ACTN2: variants seen among roughly 807,000 people sequenced by gnomAD.
ACTN2 encodes the protein alpha-actinin-2.
In ACTN2, 39 loss-of-function variants were observed where a neutral mutation model predicts 113.8. The ratio of observed to expected loss-of-function variants is 0.34; its 90% CI spans 0.27 to 0.45. The LOEUF (loss-of-function observed/expected upper bound fraction) is 0.45. Ranked by LOEUF, ACTN2 falls within the 20% of genes least tolerant of loss-of-function variation. The probability of loss-of-function intolerance (pLI) is 1.00; values close to 1 mark genes in which losing one functional copy is unlikely to be tolerated. For missense variants in ACTN2, 992 were observed against 1,177.9 expected (o/e 0.84, Z 2.31); for synonymous variants, 429 against 444.1 (o/e 0.97, Z 0.43).
Position 236,711,498 on chromosome 1 carries a change from G to A in ACTN2, c.127-6360G>A, listed in dbSNP as rs537426127. ...TGAGTAGCTGAGATTACAGGCATGC[G>A]CCACCACGCCAGGCTAAGTTTTTAT... is the stretch of plus-strand genomic sequence containing the variant. On this transcript the variant is annotated intron_variant, in intron 1 of 20. Transcript: ENST00000366578. Among the ~76,000 whole-genome samples the A allele has an allele frequency of 2.6e-5, 4 of 152,224 alleles. No individual in the cohort carries two copies. In the East Asian group the frequency reaches 5.8e-4, roughly 22 times the overall value.
Position 236,739,513 on chromosome 1 carries a change from C to T in ACTN2, c.1088C>T (p.Ser363Phe). 4 of 1,614,104 alleles carry T rather than the reference C, an allele frequency of 2.5e-6. No homozygotes were observed. The highest frequency in any genetic ancestry group is 3.4e-6 in the Non-Finnish European group (4 of 1,179,944). ...AGCAACCGTCCTGCCTTCATGCCCTCCGAGGGCAAGATGGTGTCGGTGAGT... is the reference window on the plus strand; with the variant it reads ...AGCAACCGTCCTGCCTTCATGCCCTTCGAGGGCAAGATGGTGTCGGTGAGT... ...RISNRPAFMP[S>F]EGKMVSDIAG... Residue 363 changes from serine (S) to phenylalanine (F), a missense_variant, in exon 10 of 21, where the codon TCC (serine) becomes TTC (phenylalanine). Around this residue, in one of 3 missense-constraint regions of ACTN2, gnomAD observed 736 missense variants for 815.4 expected, o/e 0.90. Transcript: ENST00000366578.
At chr1:236,706,026 C>G (rs1445114377) in intron 1 of ACTN2, among the ~76,000 whole-genome samples, 1 of 152,156 alleles carries the variant, frequency 6.6e-6, no homozygotes, top group Non-Finnish European at 1.5e-5. Flanking sequence ...TTTAACCTCT[C>G]CACTTAAAGT....
In ACTN2 at chr1:236,726,026, C is replaced by T. The variant is rs771398006; in HGVS notation, c.536+6C>T. Reference sequence around the variant, plus strand: ...ATTCAGAACTTCCATACTAGGTGAGCACCCAGGGCCCCTGGTCCTTGTATT... The same window carrying T: ...ATTCAGAACTTCCATACTAGGTGAGTACCCAGGGCCCCTGGTCCTTGTATT... On this transcript the variant is annotated splice_donor_region_variant and intron_variant, in intron 5 of 20. Transcript: ENST00000366578. 8.1e-6 allele frequency: 13 copies of T among 1,612,230 alleles called. No homozygotes were observed. Among genetic ancestry groups the T allele is most frequent in the Non-Finnish European group, 1.1e-5 (13 of 1,178,366 alleles).
intron 18 of ACTN2, among the ~76,000 whole-genome samples, chr1:236,759,415 A>G (rs955605059): frequency 2.6e-5 from 4 of 152,226 alleles, no homozygotes; most frequent in African/African-American, 9.7e-5. Context: ...CAAATTAAAC[A>G]TGAATGATTC....
intron 1 of ACTN2, among the ~76,000 whole-genome samples, chr1:236,687,950 T>C (rs976988584): frequency 6.6e-6 from 1 of 152,226 alleles, no homozygotes; most frequent in Admixed American, 6.5e-5. Context: ...AGCTCTAATT[T>C]AGCTACATTT....
intron 8 of ACTN2, 103 bp from the exon 9 acceptor site, chr1:236,737,018 AG>A (rs1269198953): frequency 6.6e-6 from 6 of 904,416 alleles, no homozygotes; most frequent in Non-Finnish European, 1.1e-5. Context: ...CACCGTCTAC[AG>A]CACGCCACCC....
chr1:236,687,599 G>A (rs1665922149), intron 1 of ACTN2, among the ~76,000 whole-genome samples: 1 of 152,212 alleles, frequency 6.6e-6, no homozygotes, highest in Non-Finnish European at 1.5e-5. Context: ...TAAGATAACG[G>A]GGTTATGGCA....
chr1:236,742,793 C>A, intron 10 of ACTN2, 103 bp from the exon 11 acceptor site: 2 of 1,422,184 alleles, frequency 1.4e-6, no homozygotes, highest in East Asian at 2.3e-5. Flanking sequence ...AGGAAAACAC[C>A]ATCAAAATGT....
At chr1:236,762,338 A>T (rs1248983682) in intron 20 of ACTN2, 123 bp from the exon 21 acceptor site, 2 of 1,307,996 alleles carry the variant, frequency 1.5e-6, no homozygotes, top group Non-Finnish European at 2.2e-6. Flanking sequence ...CTATGCCAAT[A>T]GACTCCCTAT....
chr1:236,713,207 A>G (rs1658093381), intron 1 of ACTN2, among the ~76,000 whole-genome samples: 1 of 151,028 alleles, frequency 6.6e-6, no homozygotes, highest in Admixed American at 6.6e-5. Flanking sequence ...TCTCTAGGTT[A>G]TATATATTGT....
chr1:236,746,129 G>T (rs947271742), intron 12 of ACTN2, among the ~76,000 whole-genome samples: 13 of 131,696 alleles, frequency 9.9e-5, no homozygotes, highest in African/African-American at 3.8e-4. Context: ...TCAGGCCACT[G>T]CACTCCAGCC....
intron 1 of ACTN2, among the ~76,000 whole-genome samples, chr1:236,687,334 A>G (rs1008308778): frequency 4.1e-4 from 63 of 152,092 alleles, no homozygotes; most frequent in Admixed American, 4.1e-3. Context: ...ATTATTTCAC[A>G]CTCTATTTAT....
In ACTN2 at chr1:236,755,109, A is replaced by G. The variant is rs758071137; in HGVS notation, c.2065A>G (p.Lys689Glu). Residue 689 changes from lysine (K) to glutamate (E), a missense_variant, in exon 17 of 21, where the codon AAG becomes GAG. Lys to Glu is a moderately conservative substitution (Grantham distance 56). Around this residue, in one of 3 missense-constraint regions of ACTN2, gnomAD observed 736 missense variants for 815.4 expected, o/e 0.90. Transcript: ENST00000366578. ...GTATGAGCACAACATCATCAACTAT[A>G]AGAACAACATCGACAAGCTGGAGGG... ...KQYEHNIINY[K>E]NNIDKLEGDH... is the part of the protein sequence containing the mutation. 14 of 1,614,144 alleles carry G rather than the reference A, an allele frequency of 8.7e-6. No homozygotes were observed. The highest frequency in any genetic ancestry group is 1.2e-5 in the Non-Finnish European group (14 of 1,180,024).
At position 236,720,206 on chromosome 1, in the gene ACTN2, TA is replaced by T; in HGVS notation, c.448+19del. 6.3e-7 allele frequency: 1 copy of T among 1,582,022 alleles called. No homozygotes were observed. The highest frequency in any genetic ancestry group is 1.1e-5 in the South Asian group (1 of 90,364). ...TTCGGTTGAAGGTAAAAGACATGGT[TA>T]AAAGTCTAATTGTATAATCTGTAAA... On this transcript the variant is annotated intron_variant, in intron 4 of 20. Transcript: ENST00000366578.
chr1:236,741,929 C>T (rs959989643), intron 10 of ACTN2, among the ~76,000 whole-genome samples: 1 of 152,164 alleles, frequency 6.6e-6, no homozygotes, highest in Non-Finnish European at 1.5e-5. Flanking sequence ...CGCATCTCTC[C>T]CTCTGCCCTG....
At chr1:236,743,476 A>T (rs541344426) in intron 11 of ACTN2, among the ~76,000 whole-genome samples, 1 of 152,280 alleles carries the variant, frequency 6.6e-6, no homozygotes, top group Non-Finnish European at 1.5e-5. Flanking sequence ...GCAAGATATC[A>T]TGTATAATCT....
At chr1:236,753,816 C>A in intron 15 of ACTN2, 131 bp from the exon 16 acceptor site, 4 of 1,155,810 alleles carry the variant, frequency 3.5e-6, no homozygotes, top group Non-Finnish European at 3.9e-6. Context: ...CTTCCTTCCC[C>A]CTACACCCTC....
At chr1:236,732,711 C>T (rs1277922520) in intron 7 of ACTN2, among the ~76,000 whole-genome samples, 1 of 152,056 alleles carries the variant, frequency 6.6e-6, no homozygotes, top group Non-Finnish European at 1.5e-5. Flanking sequence ...CCAAAGTGCA[C>T]GGATTACAGA....
chr1:236,717,287 A>T (rs1214467431), intron 1 of ACTN2, among the ~76,000 whole-genome samples: 1 of 152,066 alleles, frequency 6.6e-6, no homozygotes, highest in Non-Finnish European at 1.5e-5. Context: ...CTAAAAAAAA[A>T]TTAGCTAGGT....
Sources: gnomAD v4.1 joint callset for allele counts (sites outside exome capture counted in the v4.1 genomes callset) on GRCh38, gnomAD v4.1.1 for gene constraint, gnomAD v4.1.1 regional missense constraint, MANE v1.5 for transcripts, NCBI Gene and HGNC (gene_info 2026-07-23, HGNC 2026-07-21) for gene names.